Variants in SP140L observed in about 807,000 individuals in gnomAD.
SP140L encodes the protein nuclear body protein SP140-like protein.
A neutral mutation model predicts 84.3 loss-of-function variants in SP140L; 64 were observed. That is an observed-to-expected ratio of 0.76 (90% CI 0.62 to 0.94). The LOEUF (loss-of-function observed/expected upper bound fraction) is 0.94. Among genes scored for constraint, SP140L ranks in the 40% least tolerant of loss-of-function variants. The pLI, the probability that SP140L is intolerant of heterozygous loss-of-function variation, is 0.00. For synonymous variants in SP140L, 242 were observed against 236.9 expected (o/e 1.02, Z -0.20); for missense variants, 628 against 692.5 (o/e 0.91, Z 1.05).
intron 2 of SP140L, among the ~76,000 whole-genome samples, chr2:230,332,315 C>A (rs191264128): frequency 3.9e-5 from 6 of 152,312 alleles, no homozygotes; most frequent in African/African-American, 9.6e-5. Flanking sequence ...GTAGCTCTTT[C>A]GGCCATCTTC....
chr2:230,379,371 A>G (rs891529125), intron 7 of SP140L, among the ~76,000 whole-genome samples: 1 of 152,108 alleles, frequency 6.6e-6, no homozygotes, highest in East Asian at 1.9e-4. Flanking sequence ...GAAATTAAAG[A>G]CAAAATTTCT....
At chr2:230,360,880 T>G (rs1451986267) in intron 4 of SP140L, among the ~76,000 whole-genome samples, 2 of 152,186 alleles carry the variant, frequency 1.3e-5, no homozygotes, top group African/African-American at 4.8e-5. Context: ...CTGACCCAAT[T>G]AAGCCAACGT....
intron 2 of SP140L, among the ~76,000 whole-genome samples, chr2:230,354,938 GAAAA>G (rs372444475): frequency 2.0e-5 from 3 of 150,690 alleles, no homozygotes; most frequent in Admixed American, 1.3e-4. Context: ...AAAAGAAAAA[GAAAA>G]AGAAAGAAAG....
intron 11 of SP140L, among the ~76,000 whole-genome samples, chr2:230,390,228 A>G (rs554285646): frequency 6.6e-6 from 1 of 152,344 alleles, no homozygotes; most frequent in Admixed American, 6.5e-5. Flanking sequence ...TGGAGTGTCC[A>G]GGGGGTACCC....
At chr2:230,371,362 G>T (rs899573760) in intron 6 of SP140L, among the ~76,000 whole-genome samples, 2 of 152,102 alleles carry the variant, frequency 1.3e-5, no homozygotes, top group Non-Finnish European at 2.9e-5. Flanking sequence ...TAATTGTCAG[G>T]GGGGAAGACT....
rs527383235 is a variant in SP140L, at chr2:230,398,757, C to T, written c.1198-1370C>T. On this transcript the variant is annotated intron_variant, in intron 14 of 18. Coordinates refer to ENST00000415673, the MANE Select transcript of SP140L (RefSeq NM_138402.6). ...AGTAGAAGTAGCAGCAGAAAGAGCC[C>T]TGTAGGCACTCCACATAGGGCCACA... 2.0e-5 allele frequency among the ~76,000 whole-genome samples: 3 copies of T among 152,198 alleles called. No individual in the cohort carries two copies. In the South Asian group the frequency reaches 6.2e-4, roughly 32 times the overall value.
intron 10 of SP140L, 97 bp from the exon 11 acceptor site, chr2:230,389,822 C>T: frequency 8.5e-7 from 1 of 1,178,110 alleles, no homozygotes; most frequent in Non-Finnish European, 1.2e-6. Flanking sequence ...AATAGAATTT[C>T]CTAAGTACTC....
chr2:230,342,646 TTATC>T (rs1186745921), intron 2 of SP140L, among the ~76,000 whole-genome samples: 1 of 152,236 alleles, frequency 6.6e-6, no homozygotes, highest in African/African-American at 2.4e-5. Context: ...TTCTAGGAAT[TTATC>T]TATTTCTTCT....
chr2:230,345,206 T>G (rs1030817593), intron 2 of SP140L, among the ~76,000 whole-genome samples: 2 of 152,230 alleles, frequency 1.3e-5, no homozygotes, highest in Non-Finnish European at 2.9e-5. Flanking sequence ...TATTTACAAC[T>G]GTTATATCCT....
At chr2:230,342,065 G>T in intron 2 of SP140L, 1 of 164,520 alleles carries the variant, frequency 6.1e-6, no homozygotes, top group Non-Finnish European at 1.3e-5. Context: ...GCAAGCCTGG[G>T]CAATGGCGGG....
At chr2:230,335,306 T>C (rs1248437958) in intron 2 of SP140L, among the ~76,000 whole-genome samples, 1 of 152,242 alleles carries the variant, frequency 6.6e-6, no homozygotes, top group Admixed American at 6.5e-5. Context: ...TTGTCAGTGT[T>C]TCTTATTTTC....
chr2:230,354,897 G>GAAA (rs6147221), intron 2 of SP140L, among the ~76,000 whole-genome samples: 87 of 114,338 alleles, frequency 7.6e-4, no homozygotes, highest in African/African-American at 2.2e-3. Flanking sequence ...AAGAAAGAAA[G>GAAA]GAAAGAGAAA....
intron 5 of SP140L, among the ~76,000 whole-genome samples, chr2:230,365,525 TC>T (rs1324699555): frequency 1.6e-4 from 24 of 152,168 alleles, no homozygotes; most frequent in Non-Finnish European, 7.4e-5. Flanking sequence ...TTGAGTCTTT[TC>T]TTTTTTTTTA....
At chr2:230,369,612 G>A (rs1303860011) in intron 5 of SP140L, among the ~76,000 whole-genome samples, 3 of 152,172 alleles carry the variant, frequency 2.0e-5, no homozygotes, top group Non-Finnish European at 2.9e-5. Flanking sequence ...CCATCAACAC[G>A]GGCTTTCTGG....
chr2:230,398,992 C>T (rs756204920), intron 14 of SP140L, among the ~76,000 whole-genome samples: 4 of 152,176 alleles, frequency 2.6e-5, no homozygotes, highest in Admixed American at 6.5e-5. Flanking sequence ...GGAGCAGAGC[C>T]GGCGGAGGAC....
At chr2:230,365,495 T>C (rs1185104236) in intron 5 of SP140L, among the ~76,000 whole-genome samples, 2 of 152,104 alleles carry the variant, frequency 1.3e-5, no homozygotes, top group African/African-American at 4.8e-5. Flanking sequence ...GTCTTCTCTT[T>C]TATTTCTGAT....
intron 10 of SP140L, among the ~76,000 whole-genome samples, chr2:230,388,990 G>A (rs899219475): frequency 2.0e-5 from 3 of 152,202 alleles, no homozygotes; most frequent in African/African-American, 7.2e-5. Flanking sequence ...GCACACTAAG[G>A]TTGAACCAGA....
intron 14 of SP140L, among the ~76,000 whole-genome samples, chr2:230,398,884 C>G (rs2062180833): frequency 6.6e-6 from 1 of 152,186 alleles, no homozygotes. Flanking sequence ...TTGAATAATT[C>G]CATGGCTGGC....
intron 18 of SP140L, among the ~76,000 whole-genome samples, chr2:230,402,174 A>C (rs911600603): frequency 1.2e-4 from 18 of 152,190 alleles, no homozygotes; most frequent in Non-Finnish European, 8.8e-5. Flanking sequence ...CAAACTCCAG[A>C]TTCTTTGCAT....
Sources: allele counts gnomAD v4.1 joint callset (sites outside exome capture counted in the v4.1 genomes callset), GRCh38; gene constraint gnomAD v4.1.1; transcripts MANE v1.5; gene names NCBI Gene and HGNC (gene_info 2026-07-23, HGNC 2026-07-21).